Variants in FAM107B observed in about 807,000 individuals in gnomAD.
FAM107B encodes the protein family with sequence similarity 107 member B.
Under a neutral mutation model 31.5 loss-of-function variants are expected in FAM107B, and 21 were observed. The observed-to-expected ratio is 0.67, with a 90% CI of 0.47 to 0.96. The LOEUF is 0.96. Among genes scored for constraint, FAM107B ranks in the 40% least tolerant of loss-of-function variants. The pLI is 0.00. For missense variants in FAM107B, 452 were observed against 377.1 expected (o/e 1.20, Z -1.64); for synonymous variants, 157 against 141.5 (o/e 1.11, Z -0.78).
intron 2 of FAM107B, among the ~76,000 whole-genome samples, chr10:14,531,163 A>G (rs1448858890): frequency 1.3e-5 from 2 of 152,176 alleles, no homozygotes; most frequent in African/African-American, 4.8e-5. Context: ...TCACAATCAC[A>G]GGACTGAAAC....
chr10:14,570,241 T>G (rs968317555), intron 2 of FAM107B, among the ~76,000 whole-genome samples: 1 of 143,202 alleles, frequency 7.0e-6, no homozygotes, highest in African/African-American at 2.5e-5. Context: ...TGGGTGTGTG[T>G]GTGTGTGTGT....
chr10:14,563,936 T>G (rs1376650460), intron 2 of FAM107B, among the ~76,000 whole-genome samples: 1 of 151,922 alleles, frequency 6.6e-6, no homozygotes, highest in Non-Finnish European at 1.5e-5. Context: ...AAGAGATAAA[T>G]AAAACAATGT....
intron 1 of FAM107B, among the ~76,000 whole-genome samples, chr10:14,674,020 AG>A (rs1408896232): frequency 2.6e-5 from 4 of 151,384 alleles, no homozygotes; most frequent in African/African-American, 9.8e-5. Context: ...TTGCGTTCCA[AG>A]TATCTCTAGA....
intron 2 of FAM107B, among the ~76,000 whole-genome samples, chr10:14,622,668 C>T (rs78400613): frequency 0.028 from 4,277 of 152,192 alleles, 110 homozygotes; most frequent in Non-Finnish European, 0.044. Flanking sequence ...TTAAAGCTTC[C>T]GTACACTAGA....
chr10:14,599,698 G>A (rs1364284299), intron 2 of FAM107B, among the ~76,000 whole-genome samples: 1 of 152,058 alleles, frequency 6.6e-6, no homozygotes, highest in Non-Finnish European at 1.5e-5. Context: ...TCTGGTCAGG[G>A]AATATAAAAG....
At chr10:14,650,074 A>G (rs1853860674) in intron 2 of FAM107B, among the ~76,000 whole-genome samples, 1 of 152,206 alleles carries the variant, frequency 6.6e-6, no homozygotes, top group Non-Finnish European at 1.5e-5. Context: ...AGGAGGAAGG[A>G]CGTGCTCCCT....
intron 1 of FAM107B, among the ~76,000 whole-genome samples, chr10:14,750,347 C>T (rs1431562798): frequency 2.0e-5 from 3 of 152,186 alleles, no homozygotes; most frequent in Non-Finnish European, 4.4e-5. Flanking sequence ...CATGGTGGCT[C>T]AAGCCTGTAA....
intron 2 of FAM107B, among the ~76,000 whole-genome samples, chr10:14,561,446 A>G (rs1387869547): frequency 6.6e-6 from 1 of 152,226 alleles, no homozygotes; most frequent in Non-Finnish European, 1.5e-5. Context: ...AGGGCTACCA[A>G]GGGAAAGAGC....
At chr10:14,554,261 A>C (rs1363762679) in intron 2 of FAM107B, 2 of 461,136 alleles carry the variant, frequency 4.3e-6, no homozygotes, top group Non-Finnish European at 5.7e-6. Context: ...ACTGCAGTTC[A>C]CAGCACTGCA....
chr10:14,774,312 A>G lies in FAM107B; in HGVS notation c.352T>C (p.Cys118Arg), dbSNP rs1001565817. The G allele has an allele frequency of 1.2e-6, 2 of 1,614,096 alleles. No homozygotes were observed. The highest frequency in any genetic ancestry group is 3.3e-5 in the Admixed American group (2 of 60,000). ...GAAGCGTGAAACACCACTGCTTCAC[A>G]GTCCGCCCCATCATCCAGGGACCCG... is the stretch of plus-strand genomic sequence containing the variant. The part of the protein sequence containing the change: ...VPGSLDDGAD[C>R]EAVVFHASIP... The change falls in exon 1 of 5, where the codon TGT (cysteine) becomes CGT (arginine). Residue 118 changes from cysteine to arginine, a missense_variant. Physicochemically the swap from Cys to Arg is radical, Grantham distance 180. Coordinates refer to ENST00000181796, the MANE Select transcript of FAM107B (RefSeq NM_031453.4).
At chr10:14,659,328 C>T (rs1854160400) in intron 2 of FAM107B, among the ~76,000 whole-genome samples, 1 of 152,098 alleles carries the variant, frequency 6.6e-6, no homozygotes, top group South Asian at 2.1e-4. Flanking sequence ...GTAGTCTCAG[C>T]TCCTCCGGAG....
intron 3 of FAM107B, 35 bp from the exon 4 acceptor site, chr10:14,522,054 A>G (rs779261052): frequency 6.3e-7 from 1 of 1,583,622 alleles, no homozygotes; most frequent in Non-Finnish European, 8.5e-7. Flanking sequence ...AGAAAACGTT[A>G]ATCTAATGGC....
At chr10:14,540,436 A>T (rs1588520903) in intron 2 of FAM107B, among the ~76,000 whole-genome samples, 3 of 152,188 alleles carry the variant, frequency 2.0e-5, no homozygotes, top group African/African-American at 7.2e-5. Context: ...TTCTCAGGCC[A>T]TCCAGGGCTC....
At chr10:14,620,141 C>G (rs184546346) in intron 2 of FAM107B, among the ~76,000 whole-genome samples, 62 of 151,428 alleles carry the variant, frequency 4.1e-4, no homozygotes, top group African/African-American at 1.5e-3. Context: ...GCCTCAGCCT[C>G]CTGGGTAGCT....
chr10:14,623,753 G>A (rs1047797861), intron 2 of FAM107B, among the ~76,000 whole-genome samples: 1 of 152,192 alleles, frequency 6.6e-6, no homozygotes, highest in Non-Finnish European at 1.5e-5. Context: ...TTGAACCTGG[G>A]AGGAGGAGGC....
intron 2 of FAM107B, among the ~76,000 whole-genome samples, chr10:14,564,134 T>A (rs1360160591): frequency 6.6e-6 from 1 of 152,176 alleles, no homozygotes; most frequent in African/African-American, 2.4e-5. Flanking sequence ...TCTTTAAGAT[T>A]CTCAAATACT....
intron 1 of FAM107B, among the ~76,000 whole-genome samples, chr10:14,699,438 C>T (rs111443936): frequency 0.017 from 2,539 of 152,186 alleles, 71 homozygotes; most frequent in African/African-American, 0.051. Flanking sequence ...GGTGTAAGTC[C>T]GGGTCCAAGC....
rs143046081 is a variant in FAM107B at position 14,652,645 on chromosome 10, T to A, written c.469+14989A>T. The A allele has an allele frequency of 8.5e-5, 13 of 152,328 alleles. No homozygotes were observed. In the East Asian group the frequency reaches 2.5e-3, roughly 29 times the overall value. 9.4% of individuals were successfully genotyped at this position (152,328 alleles called of 1,614,324 possible). On this transcript the variant is annotated intron_variant, in intron 2 of 4. Coordinates refer to ENST00000181796, the MANE Select transcript of FAM107B (RefSeq NM_031453.4). ...GGCACGTTATGCATTGTTCTAAGTGTTCTAAGAACACTACTTAGAAAATGT... is the reference window on the plus strand; with the variant it reads ...GGCACGTTATGCATTGTTCTAAGTGATCTAAGAACACTACTTAGAAAATGT...
In FAM107B at chr10:14,685,871, G is replaced by A. The variant is rs117209076; in HGVS notation, c.412-18180C>T. ...ACTCACAGTTCTACATGGCTGGGGC[G>A]GCCTCACAATCATGGCGGAAGGCAA... On this transcript the variant is annotated intron_variant, in intron 1 of 4. Coordinates refer to ENST00000181796, the MANE Select transcript of FAM107B (RefSeq NM_031453.4). Among the ~76,000 whole-genome samples, 1,367 of 152,264 alleles carry A rather than the reference G, an allele frequency of 9.0e-3. 11 individuals carry two copies. Among genetic ancestry groups the A allele is most frequent in the Non-Finnish European group, 0.014 (980 of 68,036 alleles).
Sources: allele counts gnomAD v4.1 joint callset (sites outside exome capture counted in the v4.1 genomes callset), GRCh38; gene constraint gnomAD v4.1.1; transcripts MANE v1.5; gene names NCBI Gene and HGNC (gene_info 2026-07-23, HGNC 2026-07-21).